Variants in DOK6 observed in about 807,000 individuals in gnomAD.
DOK6 encodes docking protein 6, also known as downstream of tyrosine kinase 6.
A neutral mutation model predicts 44.0 loss-of-function variants in DOK6; 22 were observed. That is an observed-to-expected ratio of 0.50 (90% CI 0.36 to 0.71). The LOEUF (loss-of-function observed/expected upper bound fraction) is 0.71. DOK6 is among the 30% of genes least tolerant of loss of function. The pLI, the probability that DOK6 is intolerant of heterozygous loss-of-function variation, is 0.00. For missense variants in DOK6, 340 were observed against 416.4 expected (o/e 0.82, Z 1.60); for synonymous variants, 166 against 145.5 (o/e 1.14, Z -1.01).
chr18:69,597,682 A>G (rs1352417751), intron 2 of DOK6, among the ~76,000 whole-genome samples: 1 of 152,204 alleles, frequency 6.6e-6, no homozygotes, highest in Non-Finnish European at 1.5e-5. Flanking sequence ...GTATGACCAC[A>G]AACACAATAA....
At position 69,400,902 on chromosome 18, in the gene DOK6, G is replaced by T. The variant is rs984508949; in HGVS notation, c.-343G>T. Among the ~76,000 whole-genome samples the T allele has an allele frequency of 2.7e-5, 4 of 147,614 alleles. No individual in the cohort carries two copies. The highest frequency in any genetic ancestry group is 6.0e-5 in the Non-Finnish European group (4 of 66,278). ...TCCGGCCAGCTGTGCGCCGCCGAGC[G>T]AGGCGCCAGCCCGTGGGTGCTGCCG... On this transcript the variant is annotated 5_prime_UTR_variant, in exon 1 of 8. Coordinates refer to ENST00000382713, the MANE Select transcript of DOK6 (RefSeq NM_152721.6).
chr18:69,711,655 G>C (rs548174116), intron 5 of DOK6, among the ~76,000 whole-genome samples: 13 of 152,124 alleles, frequency 8.5e-5, no homozygotes, highest in South Asian at 2.1e-4. Flanking sequence ...ACTCCTCAGG[G>C]CATCACATAT....
chr18:69,515,306 C>T (rs1341247770), intron 1 of DOK6, among the ~76,000 whole-genome samples: 1 of 152,156 alleles, frequency 6.6e-6, no homozygotes. Context: ...CTTTCTAATG[C>T]ATATGAAAGG....
intron 3 of DOK6, among the ~76,000 whole-genome samples, chr18:69,634,481 A>G (rs1984758728): frequency 6.6e-6 from 1 of 152,236 alleles, no homozygotes; most frequent in Admixed American, 6.5e-5. Flanking sequence ...TCAGCATGTC[A>G]TTTAAGTTTT....
At chr18:69,762,149 GCATACATACATA>G (rs60739609) in intron 7 of DOK6, among the ~76,000 whole-genome samples, 26 of 110,788 alleles carry the variant, frequency 2.3e-4, no homozygotes, top group African/African-American at 9.0e-4. Context: ...ATCTCTGCAT[GCATACATACATA>G]CATACATACA....
chr18:69,613,872 A>C (rs1279783477), intron 3 of DOK6, among the ~76,000 whole-genome samples: 1 of 151,520 alleles, frequency 6.6e-6, no homozygotes, highest in African/African-American at 2.4e-5. Flanking sequence ...CAATTGAATA[A>C]ATTCTTCCAC....
intron 4 of DOK6, among the ~76,000 whole-genome samples, chr18:69,697,815 T>A (rs1986422229): frequency 6.6e-6 from 1 of 152,212 alleles, no homozygotes; most frequent in Non-Finnish European, 1.5e-5. Flanking sequence ...CAAAGCAATG[T>A]CTTAAGTTCT....
Position 69,588,774 on chromosome 18 carries a change from A to T in DOK6, c.175-10610A>T, listed in dbSNP as rs576578082. ...GCCAATGGAGAGAGTATTATAGTTAATTTTAATTCTAATATCATTATGCAT... is the reference window on the plus strand; with the variant it reads ...GCCAATGGAGAGAGTATTATAGTTATTTTTAATTCTAATATCATTATGCAT... On this transcript the variant is annotated intron_variant, in intron 2 of 7. Coordinates refer to ENST00000382713, the MANE Select transcript of DOK6 (RefSeq NM_152721.6). Among the ~76,000 whole-genome samples, 6 of 152,208 alleles carry T rather than the reference A, an allele frequency of 3.9e-5. No individual in the cohort carries two copies. In the South Asian group the frequency reaches 1.2e-3, roughly 32 times the overall value.
chr18:69,567,284 A>G (rs1450040945), intron 2 of DOK6, among the ~76,000 whole-genome samples: 2 of 152,164 alleles, frequency 1.3e-5, no homozygotes, highest in African/African-American at 4.8e-5. Context: ...GATAACATAA[A>G]ACAATGTAAA....
chr18:69,428,301 T>A (rs555648642), intron 1 of DOK6, among the ~76,000 whole-genome samples: 2 of 152,242 alleles, frequency 1.3e-5, no homozygotes, highest in East Asian at 3.9e-4. Context: ...TATACAAATT[T>A]GATAAATTAA....
chr18:69,727,187 C>G (rs1978313709), intron 5 of DOK6, among the ~76,000 whole-genome samples: 1 of 152,124 alleles, frequency 6.6e-6, no homozygotes, highest in Non-Finnish European at 1.5e-5. Flanking sequence ...GCACTAATCC[C>G]ATTCATGAGA....
At chr18:69,529,892 T>A (rs1981936601) in intron 1 of DOK6, among the ~76,000 whole-genome samples, 1 of 152,212 alleles carries the variant, frequency 6.6e-6, no homozygotes, top group Non-Finnish European at 1.5e-5. Flanking sequence ...TTAGGCACTT[T>A]ACATATATTA....
At chr18:69,539,816 C>T (rs566778782) in intron 1 of DOK6, among the ~76,000 whole-genome samples, 1 of 152,094 alleles carries the variant, frequency 6.6e-6, no homozygotes, top group South Asian at 2.1e-4. Flanking sequence ...CACATGTATG[C>T]AATTTTGATA....
At chr18:69,550,589 A>G (rs1412921253) in intron 1 of DOK6, among the ~76,000 whole-genome samples, 4 of 152,176 alleles carry the variant, frequency 2.6e-5, no homozygotes, top group African/African-American at 7.2e-5. Flanking sequence ...TCAGTATCGG[A>G]TGGTGTTAAG....
At chr18:69,600,094 C>CT (rs1252090228) in intron 3 of DOK6, among the ~76,000 whole-genome samples, 1 of 152,136 alleles carries the variant, frequency 6.6e-6, no homozygotes, top group Non-Finnish European at 1.5e-5. Context: ...TGGCTTGTCA[C>CT]TTTTTAAAGA....
chr18:69,693,759 A>G (rs976909162), intron 4 of DOK6, among the ~76,000 whole-genome samples: 8 of 152,044 alleles, frequency 5.3e-5, no homozygotes, highest in Admixed American at 2.0e-4. Flanking sequence ...TTGTTCCTGC[A>G]TAAAATAGAT....
chr18:69,547,133 ACT>A (rs1982429657), intron 1 of DOK6, among the ~76,000 whole-genome samples: 1 of 151,428 alleles, frequency 6.6e-6, no homozygotes, highest in South Asian at 2.1e-4. Flanking sequence ...ACGGAGTCTC[ACT>A]CTGTTGCCAG....
intron 1 of DOK6, among the ~76,000 whole-genome samples, chr18:69,533,015 T>A (rs28555452): frequency 0.011 from 1,651 of 152,296 alleles, 26 homozygotes; most frequent in African/African-American, 0.037. Flanking sequence ...AACAAACAGA[T>A]AGTCATTTTG....
chr18:69,743,825 A>AC (rs1193972377), intron 6 of DOK6, among the ~76,000 whole-genome samples: 1 of 96,416 alleles, frequency 1.0e-5, no homozygotes, highest in Non-Finnish European at 2.8e-5. Flanking sequence ...TGTATTAAAA[A>AC]AAAAAAAAAA....
Sources: gnomAD v4.1 joint callset for allele counts (sites outside exome capture counted in the v4.1 genomes callset) on GRCh38, gnomAD v4.1.1 for gene constraint, MANE v1.5 for transcripts, NCBI Gene and HGNC (gene_info 2026-07-23, HGNC 2026-07-21) for gene names.